The following ZNF627 variants were observed in gnomAD, a reference collection of about 807,000 sequenced individuals.
ZNF627 encodes zinc finger protein 627.
Under a neutral mutation model 10.6 loss-of-function variants are expected in ZNF627, and 12 were observed. The observed-to-expected ratio is 1.13, with a 90% CI of 0.73 to 1.84. The LOEUF (loss-of-function observed/expected upper bound fraction) is 1.84. Among genes scored for constraint, ZNF627 ranks in the 40% most tolerant of loss-of-function variants. The pLI is 0.00. For missense variants in ZNF627, 504 were observed against 568.4 expected, an observed-to-expected ratio of 0.89 and a Z score of 1.15; for synonymous variants, 176 against 187.1, an observed-to-expected ratio of 0.94 and a Z score of 0.48.
At chr19:11,603,455 ATT>A (rs56105481) in intron 1 of ZNF627, among the ~76,000 whole-genome samples, 16 of 146,396 alleles carry the variant, frequency 1.1e-4, no homozygotes, top group African/African-American at 2.0e-4. Context: ...TAATTTTTGT[ATT>A]TTTTTTTTTT....
intron 1 of ZNF627, among the ~76,000 whole-genome samples, chr19:11,606,208 G>A (rs1381815467): frequency 4.0e-5 from 6 of 151,814 alleles, no homozygotes; most frequent in African/African-American, 7.3e-5. Context: ...ATGGTGGCAC[G>A]CGCCTGTAAT....
intron 1 of ZNF627, among the ~76,000 whole-genome samples, chr19:11,603,283 C>CCT (rs1973618607): frequency 9.0e-6 from 1 of 111,212 alleles, no homozygotes; most frequent in Non-Finnish European, 2.0e-5. Context: ...CTATTCTTAG[C>CCT]CTTTTTTTTT....
intron 1 of ZNF627, among the ~76,000 whole-genome samples, chr19:11,598,568 A>G (rs1973532099): frequency 6.6e-6 from 1 of 152,188 alleles, no homozygotes; most frequent in African/African-American, 2.4e-5. Context: ...AGGGTCCCAA[A>G]TCCTTGACCT....
chr19:11,597,811 C>T (rs1038529852), intron 1 of ZNF627, among the ~76,000 whole-genome samples, 181 bp downstream of exon 1: 3 of 152,218 alleles, frequency 2.0e-5, no homozygotes, highest in Non-Finnish European at 4.4e-5. Context: ...TGTCCCGTCC[C>T]TGCGCGACGC....
rs527788094 is a variant in ZNF627 at position 11,617,973 on chromosome 19, G to A, written c.*84G>A. ...AGTCCTTTCTGTTTCTTTCAACTAC[G>A]TGAAAGGATTCACAGTGGAGAAAGA... On this transcript the variant is annotated 3_prime_UTR_variant, in exon 4 of 4. Coordinates refer to ENST00000361113, the MANE Select transcript of ZNF627 (RefSeq NM_145295.4). 155 of 1,212,634 alleles carry A rather than the reference G, an allele frequency of 1.3e-4. No homozygotes were observed. Among genetic ancestry groups the A allele is most frequent in the Middle Eastern group, 9.9e-4 (5 of 5,058 alleles). 75.1% of individuals were successfully genotyped at this position (1,212,634 alleles called of 1,614,324 possible). A position where few individuals can be genotyped will look rare whatever the true frequency, so the allele number is the denominator to read the frequency against.
chr19:11,603,284 CTTT>C (rs34132887), intron 1 of ZNF627, among the ~76,000 whole-genome samples: 2 of 119,954 alleles, frequency 1.7e-5, no homozygotes, highest in Admixed American at 9.6e-5. Flanking sequence ...TATTCTTAGC[CTTT>C]TTTTTTTTTT....
chr19:11,606,057 C>G (rs2145127690), intron 1 of ZNF627, among the ~76,000 whole-genome samples: 1 of 152,212 alleles, frequency 6.6e-6, no homozygotes, highest in South Asian at 2.1e-4. Flanking sequence ...ACATAATCTC[C>G]TTGGCCAGGC....
In ZNF627 at chr19:11,617,124, C is replaced by G. The variant is rs1219409973; in HGVS notation, c.621C>G (p.Pro207=). The G allele has an allele frequency of 6.2e-7, 1 of 1,613,934 alleles. No homozygotes were observed. The part of the protein sequence containing the change: ...CKVCGKAFDY[P]SLFRIHERSH... ...TGTGTGGGAAAGCCTTTGATTATCC[C>G]AGTTTATTTCGTATACATGAAAGAA... is the stretch of plus-strand genomic sequence containing the variant. The change falls in exon 4 of 4, where the codon CCC becomes CCG. Residue 207 remains proline (P), a synonymous_variant. Transcript: ENST00000361113.
At chr19:11,605,540 G>A (rs1218594564) in intron 1 of ZNF627, among the ~76,000 whole-genome samples, 1 of 152,106 alleles carries the variant, frequency 6.6e-6, no homozygotes, top group African/African-American at 2.4e-5. Context: ...GCAAGGAGAA[G>A]TGCAGACTAA....
intron 1 of ZNF627, among the ~76,000 whole-genome samples, chr19:11,605,404 A>G (rs1973657724): frequency 6.6e-6 from 1 of 152,006 alleles, no homozygotes; most frequent in Non-Finnish European, 1.5e-5. Context: ...ATAAAGACAT[A>G]CCCAAGACTG....
At position 11,614,816 on chromosome 19, in the gene ZNF627, C is replaced by G; in HGVS notation, c.131-11C>G. On this transcript the variant is annotated splice_polypyrimidine_tract_variant and intron_variant, in intron 2 of 3. Transcript: ENST00000361113. Reference sequence around the variant, plus strand: ...CTAATTCATAATGACTTTTCTGGGTCTAAATTTTAGGAAAACAATGGGAAG... The same window carrying G: ...CTAATTCATAATGACTTTTCTGGGTGTAAATTTTAGGAAAACAATGGGAAG... 6.2e-7 allele frequency: 1 copy of G among 1,600,198 alleles called. No individual in the cohort carries two copies. Among genetic ancestry groups the G allele is most frequent in the Non-Finnish European group, 8.5e-7 (1 of 1,175,742 alleles).
chr19:11,616,837 G>T lies in ZNF627; in HGVS notation c.334G>T (p.Gly112Cys). 2 of 1,614,000 alleles carry T rather than the reference G, an allele frequency of 1.2e-6. No homozygotes were observed. The highest frequency in any genetic ancestry group is 2.2e-5 in the South Asian group (2 of 91,080). ...ESSVCGEVGM[G>C]PSSLNRHIRD... ...CAGTGTGTGTGGAGAAGTTGGCATG[G>T]GTCCTTCATCACTTAATAGGCACAT... Residue 112 changes from glycine (G) to cysteine (C), a missense_variant, in exon 4 of 4, where the codon GGT (glycine) becomes TGT (cysteine). Gly to Cys is a radical substitution (Grantham distance 159). Transcript: ENST00000361113.
At chr19:11,603,284 C>CTTTTTTT (rs34132887) in intron 1 of ZNF627, among the ~76,000 whole-genome samples, 1 of 119,960 alleles carries the variant, frequency 8.3e-6, no homozygotes. Flanking sequence ...TATTCTTAGC[C>CTTTTTTT]TTTTTTTTTT....
chr19:11,615,160 A>C (rs998243548), intron 3 of ZNF627, among the ~76,000 whole-genome samples: 1 of 150,722 alleles, frequency 6.6e-6, no homozygotes, highest in East Asian at 2.0e-4. Flanking sequence ...GTTGGCCAGG[A>C]TGGTCTTGTT....
intron 1 of ZNF627, 25 bp downstream of exon 1, chr19:11,597,655 C>T (rs778856685): frequency 3.7e-6 from 5 of 1,338,280 alleles, no homozygotes; most frequent in Non-Finnish European, 3.9e-6. Context: ...TCAGGCGTCC[C>T]CAGACCTGGG....
In ZNF627 at chr19:11,597,662, T is replaced by TGG. The variant is rs766540068; in HGVS notation, c.3+36_3+37dup. 1.3e-5 allele frequency: 18 copies of TGG among 1,337,604 alleles called. No individual in the cohort carries two copies. In the East Asian group the frequency reaches 5.0e-4, roughly 37 times the overall value. The allele number at this position is 1,337,604 out of a possible 1,614,324, so 82.9% of individuals were successfully genotyped here. A position where few individuals can be genotyped will look rare whatever the true frequency, so the allele number is the denominator to read the frequency against. ...GTGAGGGGTCAGGCGTCCCCAGACC[T>TGG]GGGGGAGGGGCTGGTTGGAACCGGC... On this transcript the variant is annotated intron_variant, in intron 1 of 3. Coordinates refer to ENST00000361113, the MANE Select transcript of ZNF627 (RefSeq NM_145295.4).
intron 1 of ZNF627, among the ~76,000 whole-genome samples, chr19:11,606,964 A>G (rs1469369619): frequency 1.3e-5 from 2 of 152,070 alleles, no homozygotes; most frequent in Non-Finnish European, 2.9e-5. Flanking sequence ...CAGGAAACCA[A>G]CCATTTTTTC....
intron 1 of ZNF627, among the ~76,000 whole-genome samples, chr19:11,602,722 T>C (rs1421326768): frequency 6.6e-6 from 1 of 152,198 alleles, no homozygotes; most frequent in Non-Finnish European, 1.5e-5. Flanking sequence ...GAGATTTGGT[T>C]GTGTTCAGCA....
rs1300493961 is a variant in ZNF627, at chr19:11,616,855, A to G, written c.352A>G (p.Arg118Gly). ...EVGMGPSSLN[R>G]HIRDHTGREP... ...TGGCATGGGTCCTTCATCACTTAAT[A>G]GGCACATCAGAGATCACACTGGACG... The change falls in exon 4 of 4, where the codon AGG (arginine) becomes GGG (glycine). Residue 118 changes from arginine (R) to glycine (G), a missense_variant. Physicochemically the swap from Arg to Gly is moderately radical, Grantham distance 125. Coordinates refer to ENST00000361113, the MANE Select transcript of ZNF627 (RefSeq NM_145295.4). The G allele has an allele frequency of 5.6e-6, 9 of 1,613,992 alleles. No individual in the cohort carries two copies. The highest frequency in any genetic ancestry group is 1.6e-4 in the Middle Eastern group (1 of 6,084).
Sources: allele counts gnomAD v4.1 joint callset (sites outside exome capture counted in the v4.1 genomes callset), GRCh38; gene constraint gnomAD v4.1.1; transcripts MANE v1.5; gene names NCBI Gene and HGNC (gene_info 2026-07-23, HGNC 2026-07-21).